MGAT4C: variants seen among roughly 807,000 people sequenced by gnomAD.
MGAT4C encodes the protein alpha-1,3-mannosyl-glycoprotein 4-beta-N-acetylglucosaminyltransferase C.
A neutral mutation model predicts 40.1 loss-of-function variants in MGAT4C; 19 were observed. That is an observed-to-expected ratio of 0.47 (90% CI 0.33 to 0.70). MGAT4C has a LOEUF of 0.70. Among genes scored for constraint, MGAT4C ranks in the 30% least tolerant of loss-of-function variants. The probability of loss-of-function intolerance (pLI) is 0.02; values close to 1 mark genes in which losing one functional copy is unlikely to be tolerated. For synonymous variants in MGAT4C, 181 were observed against 187.1 expected, an observed-to-expected ratio of 0.97 and a Z score of 0.27; for missense variants, 491 against 563.2, an observed-to-expected ratio of 0.87 and a Z score of 1.30.
At chr12:86,668,956 C>T (rs771256025) in intron 2 of MGAT4C, among the ~76,000 whole-genome samples, 3 of 152,054 alleles carry the variant, frequency 2.0e-5, no homozygotes, top group Non-Finnish European at 4.4e-5. Context: ...GACCAGCAGC[C>T]TGAGCTGCCT....
intron 1 of MGAT4C, among the ~76,000 whole-genome samples, chr12:86,190,959 C>A (rs1217882156): frequency 6.6e-6 from 1 of 152,026 alleles, no homozygotes; most frequent in Non-Finnish European, 1.5e-5. Flanking sequence ...AGTTTCCAGA[C>A]TGCCAGTCTG....
intron 1 of MGAT4C, among the ~76,000 whole-genome samples, chr12:86,110,937 T>C (rs1001651280): frequency 6.6e-6 from 1 of 151,808 alleles, no homozygotes; most frequent in African/African-American, 2.4e-5. Context: ...TTTGTTACAT[T>C]GTATTCTCTT....
chr12:86,349,640 C>T (rs1421402685), intron 3 of MGAT4C, among the ~76,000 whole-genome samples: 1 of 152,098 alleles, frequency 6.6e-6, no homozygotes, highest in Non-Finnish European at 1.5e-5. Flanking sequence ...TTAGAAAGTA[C>T]ACTTGGCCAC....
At chr12:86,481,263 GA>G (rs1957932261) in intron 2 of MGAT4C, among the ~76,000 whole-genome samples, 2 of 152,004 alleles carry the variant, frequency 1.3e-5, no homozygotes, top group African/African-American at 4.8e-5. Flanking sequence ...GGGTTATAAA[GA>G]AGCCTGAAAT....
intron 4 of MGAT4C, among the ~76,000 whole-genome samples, chr12:86,311,080 C>T (rs1954061970): frequency 6.6e-6 from 1 of 152,220 alleles, no homozygotes; most frequent in African/African-American, 2.4e-5. Flanking sequence ...GCACAAAGCT[C>T]TCCATTAGTT....
At chr12:86,132,590 G>A (rs1224770023) in intron 1 of MGAT4C, among the ~76,000 whole-genome samples, 1 of 151,998 alleles carries the variant, frequency 6.6e-6, no homozygotes, top group Non-Finnish European at 1.5e-5. Flanking sequence ...TCAGGAGATC[G>A]AGACTATCCT....
chr12:86,273,873 A>C (rs373593795), intron 4 of MGAT4C, among the ~76,000 whole-genome samples: 1 of 152,314 alleles, frequency 6.6e-6, no homozygotes, highest in South Asian at 2.1e-4. Flanking sequence ...CTGAAGCTCA[A>C]AAACTTTAAT....
At chr12:86,482,525 T>C (rs1957954379) in intron 2 of MGAT4C, among the ~76,000 whole-genome samples, 1 of 152,072 alleles carries the variant, frequency 6.6e-6, no homozygotes, top group Non-Finnish European at 1.5e-5. Flanking sequence ...GAGTATGATC[T>C]TAGTAATTTA....
At position 86,199,182 on chromosome 12, in the gene MGAT4C, T is replaced by A. The variant is rs551534907; in HGVS notation, c.-57+57057A>T. Reference sequence around the variant, plus strand: ...CTTCATATGGCTATAACTTTTGATATGCCAATAGGAACCATATCAGTGACA... The same window carrying A: ...CTTCATATGGCTATAACTTTTGATAAGCCAATAGGAACCATATCAGTGACA... On this transcript the variant is annotated intron_variant, in intron 1 of 4. Coordinates refer to ENST00000611864, the MANE Select transcript of MGAT4C (RefSeq NM_001351288.2). Among the ~76,000 whole-genome samples, 50 of 152,274 alleles carry A rather than the reference T, an allele frequency of 3.3e-4. 1 individual carries two copies. Among genetic ancestry groups the A allele is most frequent in the Admixed American group, 3.0e-3 (46 of 15,286 alleles).
At chr12:86,532,796 T>A (rs189906704) in intron 2 of MGAT4C, among the ~76,000 whole-genome samples, 12 of 152,012 alleles carry the variant, frequency 7.9e-5, no homozygotes, top group Admixed American at 7.9e-4. Flanking sequence ...TCTTTTGTCA[T>A]TTTTAGTCAT....
rs183826380 is a variant in MGAT4C at position 86,307,587 on chromosome 12, A to G, written c.-57+26478T>C. On this transcript the variant is annotated intron_variant, in intron 4 of 7. Coordinates refer to the MGAT4C transcript ENST00000548651. ...CAACAATTTTATATTAAATAGAGGA[A>G]GGTCACAGTTTTCTGTAGAAAATTA... Among the ~76,000 whole-genome samples the G allele has an allele frequency of 4.0e-4, 61 of 150,740 alleles. 1 individual carries two copies. Among genetic ancestry groups the G allele is most frequent in the Admixed American group, 1.0e-3 (16 of 15,252 alleles).
intron 2 of MGAT4C, among the ~76,000 whole-genome samples, chr12:86,569,414 A>G (rs980716229): frequency 1.3e-5 from 2 of 152,078 alleles, no homozygotes; most frequent in African/African-American, 4.8e-5. Flanking sequence ...GTCAATGGGT[A>G]TATTTAAAAA....
intron 1 of MGAT4C, among the ~76,000 whole-genome samples, chr12:86,167,555 ATGAT>A (rs1465365258): frequency 3.3e-5 from 5 of 152,234 alleles, no homozygotes; most frequent in Admixed American, 3.3e-4. Context: ...TGAGAAGTCC[ATGAT>A]TGATTAAGAG....
chr12:86,597,760 C>A (rs979264810), intron 2 of MGAT4C, among the ~76,000 whole-genome samples: 3 of 152,082 alleles, frequency 2.0e-5, no homozygotes, highest in African/African-American at 7.2e-5. Flanking sequence ...CCCTCTCAAT[C>A]AATCACCCCA....
chr12:86,550,995 A>T (rs572466233), intron 2 of MGAT4C, among the ~76,000 whole-genome samples: 1 of 152,194 alleles, frequency 6.6e-6, no homozygotes, highest in Non-Finnish European at 1.5e-5. Context: ...CCTGGCAGAC[A>T]TGCCCCCAGG....
intron 1 of MGAT4C, among the ~76,000 whole-genome samples, chr12:86,217,556 A>G (rs1301532779): frequency 6.6e-6 from 1 of 152,210 alleles, no homozygotes; most frequent in Admixed American, 6.5e-5. Context: ...GCTTCTAGAC[A>G]TCATGATTCA....
At chr12:86,258,369 T>C (rs969682169), upstream of MGAT4C, among the ~76,000 whole-genome samples, 2 of 152,054 alleles carry the variant, frequency 1.3e-5, no homozygotes, top group Non-Finnish European at 2.9e-5. Context: ...CAAATGTATT[T>C]TCTGGTGATT....
At chr12:86,687,294 G>T (rs1378451422) in intron 2 of MGAT4C, among the ~76,000 whole-genome samples, 1 of 152,084 alleles carries the variant, frequency 6.6e-6, no homozygotes, top group East Asian at 1.9e-4. Flanking sequence ...CCAGCTCCTG[G>T]ATTCATTGAT....
At chr12:86,390,660 T>C (rs1166175646) in intron 3 of MGAT4C, among the ~76,000 whole-genome samples, 3 of 152,160 alleles carry the variant, frequency 2.0e-5, no homozygotes, top group Non-Finnish European at 4.4e-5. Flanking sequence ...TCCCAAAATT[T>C]GAATCACAAA....
Sources: allele counts gnomAD v4.1 joint callset (sites outside exome capture counted in the v4.1 genomes callset), GRCh38; gene constraint gnomAD v4.1.1; transcripts MANE v1.5; gene names NCBI Gene and HGNC (gene_info 2026-07-23, HGNC 2026-07-21).